Variants in ABI3BP observed in about 807,000 individuals in gnomAD.
The protein encoded by ABI3BP is target of Nesh-SH3.
A neutral mutation model predicts 268.6 loss-of-function variants in ABI3BP; 216 were observed. That is an observed-to-expected ratio of 0.80 (90% CI 0.72 to 0.90). The LOEUF is 0.90. ABI3BP is among the 40% of genes least tolerant of loss of function. The probability of loss-of-function intolerance (pLI) is 0.00; values close to 1 mark genes in which losing one functional copy is unlikely to be tolerated. For synonymous variants in ABI3BP, 730 were observed against 730.0 expected (o/e 1.00, Z 0.00); for missense variants, 2,090 against 2,182.4 (o/e 0.96, Z 0.84).
In ABI3BP at chr3:100,817,994, T is replaced by A. The variant is rs1232613467; in HGVS notation, c.3089-499A>T. ...CTTGATTCAGTAAAAGTTAAGAAAC[T>A]GTTAAATCTTAATAGAGATGAATAA... On this transcript the variant is annotated intron_variant, in intron 41 of 67. Coordinates refer to ENST00000471714, the MANE Select transcript of ABI3BP (RefSeq NM_001375547.2). 2.0e-5 allele frequency among the ~76,000 whole-genome samples: 3 copies of A among 152,188 alleles called. No individual in the cohort carries two copies. In the East Asian group the frequency reaches 5.8e-4, roughly 29 times the overall value.
At chr3:100,954,924 C>T (rs1277996360) in intron 1 of ABI3BP, among the ~76,000 whole-genome samples, 2 of 151,586 alleles carry the variant, frequency 1.3e-5, no homozygotes. Context: ...ACCACCAAGC[C>T]CAGGGCAAAA....
chr3:100,863,289 C>T (rs544903297), intron 12 of ABI3BP: 20 of 165,158 alleles, frequency 1.2e-4, no homozygotes, highest in African/African-American at 4.1e-4. Flanking sequence ...TTGGTAACTA[C>T]GTGGCTTTAT....
intron 34 of ABI3BP, among the ~76,000 whole-genome samples, chr3:100,826,348 A>AT (rs2098384694): frequency 1.3e-5 from 2 of 152,062 alleles, no homozygotes; most frequent in South Asian, 2.1e-4. Context: ...ATGGAAATTA[A>AT]TTTTTTTTGT....
chr3:100,749,253 A>AACTT lies in ABI3BP; in HGVS notation c.*1238_*1241dup, dbSNP rs1196228554. ...ATGGGGGTTGGTAGAGCCTGAATAA[A>AACTT]ACTTAGTGATTTTCCTTCTCGATAA... On this transcript the variant is annotated 3_prime_UTR_variant, in exon 68 of 68. Coordinates refer to ENST00000471714, the MANE Select transcript of ABI3BP (RefSeq NM_001375547.2). The AACTT allele has an allele frequency of 8.7e-4, 22 of 25,420 alleles. No homozygotes were observed. The Admixed American group carries it at 0.011, about 12-fold the overall frequency. The allele number at this position is 25,420 out of a possible 1,614,324, so 1.6% of individuals were successfully genotyped here.
chr3:100,833,463 A>C (rs917933481), intron 29 of ABI3BP, among the ~76,000 whole-genome samples: 1 of 152,228 alleles, frequency 6.6e-6, no homozygotes, highest in Non-Finnish European at 1.5e-5. Context: ...TTTAAAAATT[A>C]GGAAAAACTA....
chr3:100,779,091 A>G (rs1198186264), intron 58 of ABI3BP, among the ~76,000 whole-genome samples: 1 of 152,248 alleles, frequency 6.6e-6, no homozygotes, highest in Non-Finnish European at 1.5e-5. Context: ...GTTAAAGCAT[A>G]AAATTTCTCC....
At chr3:100,834,535 G>A (rs770517023) in intron 29 of ABI3BP, 149 bp downstream of exon 29, 32 of 638,078 alleles carry the variant, frequency 5.0e-5, no homozygotes, top group African/African-American at 7.3e-5. Context: ...CACAGGTATC[G>A]CCAGAGCACT....
chr3:100,940,582 C>A (rs907892510), intron 1 of ABI3BP, among the ~76,000 whole-genome samples: 50 of 150,874 alleles, frequency 3.3e-4, no homozygotes, highest in African/African-American at 1.2e-3. Flanking sequence ...ACCATTCCGA[C>A]CTTTCCTCAT....
At chr3:100,894,704 C>A (rs1161981729) in intron 4 of ABI3BP, among the ~76,000 whole-genome samples, 1 of 151,798 alleles carries the variant, frequency 6.6e-6, no homozygotes, top group Non-Finnish European at 1.5e-5. Context: ...CTTTGGGAGG[C>A]CAAGGAGGGC....
chr3:100,815,114 T>C (rs572666758), intron 44 of ABI3BP, among the ~76,000 whole-genome samples: 13 of 152,304 alleles, frequency 8.5e-5, no homozygotes, highest in African/African-American at 3.1e-4. Context: ...GAATAACCCC[T>C]ATTCATCCTC....
At chr3:100,783,803 A>G (rs2096941540) in intron 57 of ABI3BP, among the ~76,000 whole-genome samples, 1 of 152,202 alleles carries the variant, frequency 6.6e-6, no homozygotes, top group African/African-American at 2.4e-5. Context: ...GTTTCCAATA[A>G]AACTTTATTT....
intron 55 of ABI3BP, among the ~76,000 whole-genome samples, chr3:100,791,904 A>G (rs914169559): frequency 1.3e-5 from 2 of 151,778 alleles, no homozygotes; most frequent in African/African-American, 4.8e-5. Context: ...TTCCCCCTCA[A>G]ATTAGAACTC....
intron 6 of ABI3BP, among the ~76,000 whole-genome samples, chr3:100,882,297 A>C (rs903167640): frequency 6.6e-6 from 1 of 152,082 alleles, no homozygotes; most frequent in Non-Finnish European, 1.5e-5. Context: ...TCTTTGGACT[A>C]AAATATACCT....
intron 51 of ABI3BP, among the ~76,000 whole-genome samples, chr3:100,804,433 A>C (rs2097640474): frequency 6.6e-6 from 1 of 152,188 alleles, no homozygotes; most frequent in Non-Finnish European, 1.5e-5. Context: ...TTGTAAAAAC[A>C]CTAATTTATC....
chr3:100,761,643 G>A (rs2095955898), intron 63 of ABI3BP, among the ~76,000 whole-genome samples: 1 of 152,098 alleles, frequency 6.6e-6, no homozygotes, highest in Non-Finnish European at 1.5e-5. Context: ...ACTGTGAAAG[G>A]AAAGGTAGGG....
intron 14 of ABI3BP, among the ~76,000 whole-genome samples, chr3:100,856,010 C>A (rs2153086256): frequency 6.6e-6 from 1 of 152,318 alleles, no homozygotes. Flanking sequence ...TTCAAAGCCA[C>A]AGTGAATCTA....
intron 1 of ABI3BP, among the ~76,000 whole-genome samples, chr3:100,973,678 G>T: frequency 6.6e-6 from 1 of 152,112 alleles, no homozygotes; most frequent in East Asian, 1.9e-4. Flanking sequence ...CTTCCCCAGA[G>T]CACTGTCTTT....
intron 1 of ABI3BP, among the ~76,000 whole-genome samples, chr3:100,985,052 T>A (rs2091180845): frequency 6.6e-6 from 1 of 152,074 alleles, no homozygotes; most frequent in South Asian, 2.1e-4. Flanking sequence ...GATAAAAGTA[T>A]ATTTTCTTTC....
intron 19 of ABI3BP, 56 bp downstream of exon 19, chr3:100,847,546 T>C: frequency 6.9e-7 from 1 of 1,455,756 alleles, no homozygotes; most frequent in Non-Finnish European, 9.6e-7. Flanking sequence ...GCTGGGGTAC[T>C]GGATTTTCCA....
Sources: gnomAD v4.1 joint callset for allele counts (sites outside exome capture counted in the v4.1 genomes callset) on GRCh38, gnomAD v4.1.1 for gene constraint, MANE v1.5 for transcripts, NCBI Gene and HGNC (gene_info 2026-07-23, HGNC 2026-07-21) for gene names.